AGPAT4: variants seen among roughly 807,000 people sequenced by gnomAD.
The protein encoded by AGPAT4 is 1-acyl-sn-glycerol-3-phosphate acyltransferase delta.
In AGPAT4, 15 loss-of-function variants were observed where a neutral mutation model predicts 48.0. The observed-to-expected ratio is 0.31, with a 90% CI of 0.21 to 0.48. The LOEUF (loss-of-function observed/expected upper bound fraction) is 0.48. Ranked by LOEUF, AGPAT4 falls within the 20% of genes least tolerant of loss-of-function variation. The pLI, the probability that AGPAT4 is intolerant of heterozygous loss-of-function variation, is 0.99. For missense variants in AGPAT4, 314 were observed against 482.5 expected (o/e 0.65, Z 3.27); for synonymous variants, 178 against 198.7 (o/e 0.90, Z 0.88).
At position 161,189,014 on chromosome 6, in the gene AGPAT4, C is replaced by G. The variant is rs1483235398; in HGVS notation, c.179-22597G>C. 1.3e-5 allele frequency among the ~76,000 whole-genome samples: 2 copies of G among 152,186 alleles called. No homozygotes were observed. Among genetic ancestry groups the G allele is most frequent in the African/African-American group, 4.8e-5 (2 of 41,442 alleles). ...TTGCTTTGCTGGCCTCGTGCACGTG[C>G]AGAACACGTGTTTCTTAGAATCTTA... is the stretch of plus-strand genomic sequence containing the variant. On this transcript the variant is annotated intron_variant, in intron 2 of 8. Coordinates refer to ENST00000320285, the MANE Select transcript of AGPAT4 (RefSeq NM_020133.3). This position sits in a 1 kb window ranked among gnomAD's most constrained non-coding sequence, Gnocchi z 5.3.
Position 161,134,382 on chromosome 6 carries a change from A to G in AGPAT4, c.*2158T>C, listed in dbSNP as rs1778996600. 1 of 152,214 alleles carries G rather than the reference A, an allele frequency of 6.6e-6. No homozygotes were observed. The highest frequency in any genetic ancestry group is 1.5e-5 in the Non-Finnish European group (1 of 68,034). 9.4% of individuals were successfully genotyped at this position (152,214 alleles called of 1,614,324 possible). The stretch of plus-strand genomic sequence containing the variant: ...CTTACTTAGATTACTTCTGTGTTGA[A>G]TGGAAGAATGAAAATGAGAAAAATA... On this transcript the variant is annotated 3_prime_UTR_variant, in exon 9 of 9. Coordinates refer to ENST00000320285, the MANE Select transcript of AGPAT4 (RefSeq NM_020133.3).
At position 161,139,183 on chromosome 6, in the gene AGPAT4, G is replaced by A. The variant is rs981900419; in HGVS notation, c.1042+239C>T. ...GCTGCATCACCACCCAACAGGGAACGTGTGGAATCCAGCCCCAGGTGGGAG... is the reference window on the plus strand; with the variant it reads ...GCTGCATCACCACCCAACAGGGAACATGTGGAATCCAGCCCCAGGTGGGAG... On this transcript the variant is annotated intron_variant, in intron 8 of 8. Transcript: ENST00000320285. This position sits in a 1 kb window ranked among gnomAD's most constrained non-coding sequence, Gnocchi z 9.1. Among the ~76,000 whole-genome samples the A allele has an allele frequency of 6.6e-6, 1 of 152,198 alleles. No homozygotes were observed. The highest frequency in any genetic ancestry group is 6.5e-5 in the Admixed American group (1 of 15,288).
rs1052234169 is a variant in AGPAT4, at chr6:161,197,978, T to C, written c.179-31561A>G. Among the ~76,000 whole-genome samples, 2 of 152,206 alleles carry C rather than the reference T, an allele frequency of 1.3e-5. No homozygotes were observed. The highest frequency in any genetic ancestry group is 4.8e-5 in the African/African-American group (2 of 41,458). On this transcript the variant is annotated intron_variant, in intron 2 of 8. Coordinates refer to ENST00000320285, the MANE Select transcript of AGPAT4 (RefSeq NM_020133.3). The surrounding 1 kb of genome is among the most constrained non-coding windows in gnomAD (Gnocchi z 5.7). ...GTTGGTTCTATTTTAATAAGTTCCC[T>C]TTTTGATACGATGCATTTTCTATTT...
rs906426300 is a variant in AGPAT4 at position 161,218,961 on chromosome 6, T to C, written c.178+13075A>G. 6.6e-6 allele frequency among the ~76,000 whole-genome samples: 1 copy of C among 152,256 alleles called. No homozygotes were observed. Among genetic ancestry groups the C allele is most frequent in the Non-Finnish European group, 1.5e-5 (1 of 68,050 alleles). The stretch of plus-strand genomic sequence containing the variant: ...CAAAACAGACTGTGGAATTGGAGAA[T>C]ACTTTTAATCTAATATTTTCCCTCC... On this transcript the variant is annotated intron_variant, in intron 2 of 8. Transcript: ENST00000320285. This position sits in a 1 kb window ranked among gnomAD's most constrained non-coding sequence, Gnocchi z 4.7.
intron 1 of AGPAT4, among the ~76,000 whole-genome samples, chr6:161,250,729 T>TAA (rs1782783622): frequency 6.6e-6 from 1 of 152,202 alleles, no homozygotes; most frequent in Admixed American, 6.5e-5. Flanking sequence ...TTGTAGCTGT[T>TAA]TATATTCTTA....
rs1779649242 is a variant in AGPAT4, at chr6:161,153,424, C to T, written c.586G>A (p.Gly196Arg). ...EISMQVARAKGLPRLKHHLLP... is the reference protein window; with the variant it reads ...EISMQVARAKRLPRLKHHLLP... ...AGGTGATGCTTGAGGCGAGGCAGCC[C>T]CTTGGCCCGGGCCACCTGCATGCTG... The change falls in exon 5 of 9, where the codon GGG (glycine) becomes AGG (arginine). Residue 196 changes from glycine (G) to arginine (R), a missense_variant. Coordinates refer to ENST00000320285, the MANE Select transcript of AGPAT4 (RefSeq NM_020133.3). 6.2e-7 allele frequency: 1 copy of T among 1,612,226 alleles called. No individual in the cohort carries two copies. The highest frequency in any genetic ancestry group is 8.5e-7 in the Non-Finnish European group (1 of 1,179,298).
At position 161,134,049 on chromosome 6, in the gene AGPAT4, C is replaced by T. The variant is rs890474338; in HGVS notation, c.*2491G>A. On this transcript the variant is annotated 3_prime_UTR_variant, in exon 9 of 9. Transcript: ENST00000320285. ...CCGTGGTTGTCTGTGTCATTAAGGGCGCAGGGTGTAAGGAAACCAGGTTCC... is the reference window on the plus strand; with the variant it reads ...CCGTGGTTGTCTGTGTCATTAAGGGTGCAGGGTGTAAGGAAACCAGGTTCC... 6 of 152,310 alleles carry T rather than the reference C, an allele frequency of 3.9e-5. No individual in the cohort carries two copies. Among genetic ancestry groups the T allele is most frequent in the African/African-American group, 4.8e-5 (2 of 41,536 alleles). The allele number at this position is 152,310 out of a possible 1,614,324, so 9.4% of individuals were successfully genotyped here.
rs986697358 is a variant in AGPAT4, at chr6:161,240,239, C to T, written c.-89-7937G>A. ...TTGTGTATACACACACACACACACA[C>T]ACACACACACACACACACACACACA... is the stretch of plus-strand genomic sequence containing the variant. On this transcript the variant is annotated intron_variant, in intron 1 of 8. Coordinates refer to ENST00000320285, the MANE Select transcript of AGPAT4 (RefSeq NM_020133.3). This position sits in a 1 kb window ranked among gnomAD's most constrained non-coding sequence, Gnocchi z 5.5. Among the ~76,000 whole-genome samples the T allele has an allele frequency of 6.7e-6, 1 of 150,226 alleles. No individual in the cohort carries two copies. The highest frequency in any genetic ancestry group is 2.5e-5 in the African/African-American group (1 of 40,548).
chr6:161,207,778 C>A (rs1781417252), intron 2 of AGPAT4, among the ~76,000 whole-genome samples: 1 of 152,160 alleles, frequency 6.6e-6, no homozygotes, highest in South Asian at 2.1e-4. Context: ...CATGAATTCA[C>A]TGAGAGCAAG....
At chr6:161,199,475 A>ATGAC (rs1177661480) in intron 2 of AGPAT4, among the ~76,000 whole-genome samples, 1 of 152,182 alleles carries the variant, frequency 6.6e-6, no homozygotes, top group Non-Finnish European at 1.5e-5. Context: ...TCTTAAGGGA[A>ATGAC]TGACAGATTC....
rs1783125444 is a variant in AGPAT4 at position 161,262,274 on chromosome 6, C to T, written c.-90+11664G>A. Among the ~76,000 whole-genome samples the T allele has an allele frequency of 6.6e-6, 1 of 152,038 alleles. No homozygotes were observed. The highest frequency in any genetic ancestry group is 2.4e-5 in the African/African-American group (1 of 41,428). On this transcript the variant is annotated intron_variant, in intron 1 of 8. Transcript: ENST00000320285. The surrounding 1 kb of genome is among the most constrained non-coding windows in gnomAD (Gnocchi z 4.9). ...CAGGAAGTCCTTTTTAAAATGCTTC[C>T]TAGGTGATCCTCATGTGCAGGCAAT...
At position 161,235,670 on chromosome 6, in the gene AGPAT4, C is replaced by T. The variant is rs780326002; in HGVS notation, c.-89-3368G>A. 1.1e-4 allele frequency among the ~76,000 whole-genome samples: 17 copies of T among 152,048 alleles called. No individual in the cohort carries two copies. Among genetic ancestry groups the T allele is most frequent in the South Asian group, 2.1e-4 (1 of 4,822 alleles). On this transcript the variant is annotated intron_variant, in intron 1 of 8. Coordinates refer to ENST00000320285, the MANE Select transcript of AGPAT4 (RefSeq NM_020133.3). The surrounding 1 kb of genome is among the most constrained non-coding windows in gnomAD (Gnocchi z 6.2). ...GGCCTCAGGAAGCTTTTACTCATGG[C>T]GGAAGGCAAAGGGGGAGCGGGCATC...
chr6:161,176,108 A>G (rs193024324), intron 2 of AGPAT4, among the ~76,000 whole-genome samples: 2 of 152,336 alleles, frequency 1.3e-5, no homozygotes, highest in Admixed American at 6.5e-5. Context: ...AAGAATGTAT[A>G]TTCTGTTGAT....
At chr6:161,205,772 A>C (rs1056442151) in intron 2 of AGPAT4, among the ~76,000 whole-genome samples, 1 of 152,062 alleles carries the variant, frequency 6.6e-6, no homozygotes, top group African/African-American at 2.4e-5. Context: ...AACAACAAAC[A>C]TGCCAACATA....
rs865937961 is a variant in AGPAT4, at chr6:161,169,548, G to A, written c.179-3131C>T. ...GTGGCCCAATCATACATAGCTCACC[G>A]CAGCCTCAACCTCCTGGGTTCAAGC... On this transcript the variant is annotated intron_variant, in intron 2 of 8. Transcript: ENST00000320285. This position sits in a 1 kb window ranked among gnomAD's most constrained non-coding sequence, Gnocchi z 5.0. Among the ~76,000 whole-genome samples, 19 of 152,028 alleles carry A rather than the reference G, an allele frequency of 1.2e-4. No homozygotes were observed. Among genetic ancestry groups the A allele is most frequent in the African/African-American group, 2.7e-4 (11 of 41,462 alleles).
At chr6:161,210,190 T>C (rs114849043) in intron 2 of AGPAT4, among the ~76,000 whole-genome samples, 2,424 of 152,318 alleles carry the variant, frequency 0.016, 57 homozygotes, top group African/African-American at 0.052. Flanking sequence ...TACAATCCTA[T>C]GATAGATTTC....
In AGPAT4 at chr6:161,216,411, A is replaced by T. The variant is rs1187243422; in HGVS notation, c.178+15625T>A. 3.9e-5 allele frequency among the ~76,000 whole-genome samples: 6 copies of T among 152,144 alleles called. No homozygotes were observed. On this transcript the variant is annotated intron_variant, in intron 2 of 8. Coordinates refer to ENST00000320285, the MANE Select transcript of AGPAT4 (RefSeq NM_020133.3). The surrounding 1 kb of genome is among the most constrained non-coding windows in gnomAD (Gnocchi z 4.8). The stretch of plus-strand genomic sequence containing the variant: ...TCTGCAACTGCCTTCTACAATCTTC[A>T]GGCTCACTCTCCTCAGGACAGTGAA...
chr6:161,176,360 T>C (rs1451329667), intron 2 of AGPAT4, among the ~76,000 whole-genome samples: 2 of 152,252 alleles, frequency 1.3e-5, no homozygotes, highest in South Asian at 2.1e-4. Flanking sequence ...ATAGCTCTTC[T>C]TGTTGAATTG....
At position 161,171,686 on chromosome 6, in the gene AGPAT4, G is replaced by A. The variant is rs967809407; in HGVS notation, c.179-5269C>T. Among the ~76,000 whole-genome samples the A allele has an allele frequency of 2.0e-5, 3 of 150,952 alleles. No individual in the cohort carries two copies. Among genetic ancestry groups the A allele is most frequent in the Non-Finnish European group, 4.4e-5 (3 of 67,870 alleles). On this transcript the variant is annotated intron_variant, in intron 2 of 8. Coordinates refer to ENST00000320285, the MANE Select transcript of AGPAT4 (RefSeq NM_020133.3). The surrounding 1 kb of genome is among the most constrained non-coding windows in gnomAD (Gnocchi z 4.4). ...AGGCAGATCACAAGGTCAGGAGATC[G>A]AGACCATCCTGGCTAACACAGTGAA...
Sources: gnomAD v4.1 joint callset for allele counts (sites outside exome capture counted in the v4.1 genomes callset) on GRCh38, gnomAD v4.1.1 for gene constraint, Gnocchi (gnomAD v3.1) non-coding constraint, MANE v1.5 for transcripts, NCBI Gene and HGNC (gene_info 2026-07-23, HGNC 2026-07-21) for gene names.